EEA1: variants seen among roughly 807,000 people sequenced by gnomAD.
The protein encoded by EEA1 is early endosome antigen 1, 162kD.
EEA1 carries 111 observed loss-of-function variants against 209.2 expected under a neutral mutation model. That is an observed-to-expected ratio of 0.53 (90% CI 0.45 to 0.62). The LOEUF (loss-of-function observed/expected upper bound fraction) is 0.62. Among genes scored for constraint, EEA1 ranks in the 20% least tolerant of loss-of-function variants. EEA1 has a pLI of 0.00. For missense variants in EEA1, 1,343 were observed against 1,530.8 expected (o/e 0.88, Z 2.05); for synonymous variants, 536 against 540.6 (o/e 0.99, Z 0.12).
At chr12:92,888,940 A>G (rs1181508226) in intron 2 of EEA1, among the ~76,000 whole-genome samples, 1 of 152,142 alleles carries the variant, frequency 6.6e-6, no homozygotes, top group African/African-American at 2.4e-5. Flanking sequence ...ACTTGAGGTC[A>G]GAAGTTCGAG....
At chr12:92,820,305 T>G (rs1037522937) in intron 13 of EEA1, among the ~76,000 whole-genome samples, 8 of 152,176 alleles carry the variant, frequency 5.3e-5, no homozygotes, top group Non-Finnish European at 1.0e-4. Context: ...TCTTTTACTT[T>G]CACACCACTC....
intron 2 of EEA1, among the ~76,000 whole-genome samples, chr12:92,871,108 C>T (rs1229724716): frequency 6.6e-6 from 1 of 152,090 alleles, no homozygotes; most frequent in Non-Finnish European, 1.5e-5. Flanking sequence ...ATATAACTTA[C>T]CAATGTTGGA....
At chr12:92,857,380 G>A (rs1196863395) in intron 4 of EEA1, 40 bp from the exon 5 acceptor site, 1 of 1,560,554 alleles carries the variant, frequency 6.4e-7, no homozygotes, top group Non-Finnish European at 8.7e-7. Flanking sequence ...TTAAAAAGAG[G>A]TATTATCTGA....
At position 92,773,861 on chromosome 12, in the gene EEA1, TATGAA is replaced by T. The variant is rs1035339259; in HGVS notation, c.*2145_*2149del. The T allele has an allele frequency of 6.6e-6, 1 of 151,580 alleles. No homozygotes were observed. Among genetic ancestry groups the T allele is most frequent in the Admixed American group, 6.6e-5 (1 of 15,176 alleles). 9.4% of individuals were successfully genotyped at this position (151,580 alleles called of 1,614,324 possible). On this transcript the variant is annotated 3_prime_UTR_variant, in exon 29 of 29. Coordinates refer to ENST00000322349, the MANE Select transcript of EEA1 (RefSeq NM_003566.4). ...TATGGTAGGTAAATTACTCGGGACT[TATGAA>T]ATGAAATTAGATAAAAATGAGAAAA... is the stretch of plus-strand genomic sequence containing the variant.
intron 18 of EEA1, among the ~76,000 whole-genome samples, chr12:92,807,632 A>G (rs1875278970): frequency 1.3e-5 from 2 of 152,084 alleles, no homozygotes; most frequent in Non-Finnish European, 2.9e-5. Flanking sequence ...CTATTTTTAT[A>G]CTAGTCATAA....
At chr12:92,817,617 T>C (rs1426390820) in intron 14 of EEA1, among the ~76,000 whole-genome samples, 1 of 152,204 alleles carries the variant, frequency 6.6e-6, no homozygotes, top group Non-Finnish European at 1.5e-5. Flanking sequence ...GGTGACTCCA[T>C]CATCTCTTAC....
intron 27 of EEA1, 68 bp from the exon 28 acceptor site, chr12:92,777,010 A>C: frequency 6.6e-7 from 1 of 1,516,140 alleles, no homozygotes. Context: ...ATTATTTCTA[A>C]CTTGCTGCCA....
In EEA1 at chr12:92,777,986, G is replaced by A; in HGVS notation, c.3848C>T (p.Ala1283Val). The A allele has an allele frequency of 6.2e-7, 1 of 1,613,046 alleles. No individual in the cohort carries two copies. The highest frequency in any genetic ancestry group is 8.5e-7 in the Non-Finnish European group (1 of 1,179,424). The change falls in exon 26 of 29, where the codon GCA (alanine) becomes GTA (valine). Residue 1283 changes from alanine (A) to valine (V), a missense_variant. Around this residue, in one of 3 missense-constraint regions of EEA1, gnomAD observed 1,307 missense variants for 1,465.5 expected, o/e 0.89. Transcript: ENST00000322349. ...TTCATCTTGATTATTCTGAACCGTTGCTTCTAATACTGCAATTTCACCCCG... is the reference window on the plus strand; with the variant it reads ...TTCATCTTGATTATTCTGAACCGTTACTTCTAATACTGCAATTTCACCCCG... ...DLRGEIAVLE[A>V]TVQNNQDERR...
chr12:92,776,856 T>C lies in EEA1; in HGVS notation c.4101A>G (p.Val1367=), dbSNP rs753686694. ...NCMACGKGFS[V]TVRRHHCRQC... The stretch of plus-strand genomic sequence containing the variant: ...CAAAATTATTTACCCGTCTCACTGT[T>C]ACTGAAAAGCCTTTCCCACAGGCCA... The change falls in exon 28 of 29, where the codon GTA becomes GTG. Residue 1367 remains valine, a synonymous_variant. Coordinates refer to ENST00000322349, the MANE Select transcript of EEA1 (RefSeq NM_003566.4). 4.1e-5 allele frequency: 66 copies of C among 1,611,382 alleles called. No homozygotes were observed. The highest frequency in any genetic ancestry group is 5.5e-5 in the Non-Finnish European group (65 of 1,178,166).
At chr12:92,812,052 C>T (rs1468850935) in intron 16 of EEA1, among the ~76,000 whole-genome samples, 2 of 151,976 alleles carry the variant, frequency 1.3e-5, no homozygotes, top group Admixed American at 1.3e-4. Context: ...CCAATAAAGC[C>T]AGGTGCGGTG....
chr12:92,812,853 G>C, intron 16 of EEA1, 127 bp downstream of exon 16: 1 of 543,562 alleles, frequency 1.8e-6, no homozygotes, highest in Non-Finnish European at 3.0e-6. Context: ...AACTCATGGA[G>C]AAATTAAGGG....
chr12:92,883,607 C>A (rs1879255093), intron 2 of EEA1, among the ~76,000 whole-genome samples: 1 of 151,330 alleles, frequency 6.6e-6, no homozygotes, highest in African/African-American at 2.4e-5. Flanking sequence ...GGTAGGGAAT[C>A]CAGTTTCATT....
chr12:92,809,192 AT>A (rs763346551), intron 17 of EEA1, 36 bp from the exon 18 acceptor site: 3 of 1,472,694 alleles, frequency 2.0e-6, no homozygotes, highest in Non-Finnish European at 1.8e-6. Flanking sequence ...CCATTTTAAT[AT>A]TAGTAATTAT....
intron 2 of EEA1, among the ~76,000 whole-genome samples, chr12:92,881,587 C>G (rs1361562965): frequency 1.3e-5 from 2 of 152,064 alleles, no homozygotes; most frequent in Admixed American, 6.6e-5. Flanking sequence ...CAAGAGTCGA[C>G]TGGACTAAAT....
chr12:92,885,151 T>C lies in EEA1; in HGVS notation c.117+6478A>G, dbSNP rs190564815. On this transcript the variant is annotated intron_variant, in intron 2 of 28. Transcript: ENST00000322349. Reference sequence around the variant, plus strand: ...CTTCTGGTCAACAATAGGCTATTAGTAGTTAAATTTTTGGGGAGTCAAAAG... The same window carrying C: ...CTTCTGGTCAACAATAGGCTATTAGCAGTTAAATTTTTGGGGAGTCAAAAG... Among the ~76,000 whole-genome samples the C allele has an allele frequency of 3.6e-3, 549 of 152,198 alleles. 2 individuals carry two copies. Among genetic ancestry groups the C allele is most frequent in the African/African-American group, 0.013 (527 of 41,532 alleles).
intron 22 of EEA1, among the ~76,000 whole-genome samples, 171 bp downstream of exon 22, chr12:92,787,696 C>T (rs1163220321): frequency 6.6e-6 from 1 of 152,022 alleles, no homozygotes; most frequent in Non-Finnish European, 1.5e-5. Context: ...AAAATGCCCA[C>T]ATTTTAAACA....
At chr12:92,899,304 T>C (rs1342633732) in intron 1 of EEA1, among the ~76,000 whole-genome samples, 1 of 152,202 alleles carries the variant, frequency 6.6e-6, no homozygotes, top group Non-Finnish European at 1.5e-5. Flanking sequence ...GAATTTTAGA[T>C]ACCACCAATC....
chr12:92,902,740 TAAAA>T (rs35323066), intron 1 of EEA1, among the ~76,000 whole-genome samples: 1 of 125,100 alleles, frequency 8.0e-6, no homozygotes, highest in Non-Finnish European at 1.6e-5. Context: ...AATTCTGTCT[TAAAA>T]AAAAAAAAAA....
intron 15 of EEA1, 21 bp downstream of exon 15, chr12:92,816,179 A>G (rs750629633): frequency 1.3e-6 from 2 of 1,599,544 alleles, no homozygotes; most frequent in Admixed American, 1.7e-5. Flanking sequence ...TGCTTTACAC[A>G]AACATTAAAT....
Sources: allele counts gnomAD v4.1 joint callset (sites outside exome capture counted in the v4.1 genomes callset), GRCh38; gene constraint gnomAD v4.1.1; regional missense constraint gnomAD v4.1.1; transcripts MANE v1.5; gene names NCBI Gene and HGNC (gene_info 2026-07-23, HGNC 2026-07-21).